Variants in BORCS5 observed in about 807,000 individuals in gnomAD.
The protein encoded by BORCS5 is BLOC-1-related complex subunit 5.
In BORCS5, 17 loss-of-function variants were observed where a neutral mutation model predicts 22.1. That is an observed-to-expected ratio of 0.77 (90% CI 0.53 to 1.15). The LOEUF (loss-of-function observed/expected upper bound fraction) is 1.15. Ranked by LOEUF, BORCS5 falls within the 50% of genes most tolerant of loss-of-function variation. BORCS5 has a pLI of 0.00. For synonymous variants in BORCS5, 117 were observed against 99.8 expected (o/e 1.17, Z -1.03); for missense variants, 247 against 253.2 (o/e 0.98, Z 0.17).
intron 3 of BORCS5, chr12:12,452,307 A>T: frequency 2.8e-6 from 2 of 715,192 alleles, no homozygotes; most frequent in Non-Finnish European, 4.9e-6. Flanking sequence ...CTCCAATACC[A>T]TTCCCCCATC....
At chr12:12,369,522 G>A (rs1251758878) in intron 2 of BORCS5, among the ~76,000 whole-genome samples, 2 of 151,550 alleles carry the variant, frequency 1.3e-5, no homozygotes, top group African/African-American at 4.9e-5. Context: ...TTTTTTTTTA[G>A]TATGTATTCC....
intron 2 of BORCS5, among the ~76,000 whole-genome samples, chr12:12,379,274 C>G (rs1863724949): frequency 1.3e-5 from 2 of 150,768 alleles, no homozygotes; most frequent in African/African-American, 4.9e-5. Flanking sequence ...GCACGTGCCA[C>G]CATGCTTGGC....
At chr12:12,414,719 G>A (rs1386838596) in intron 2 of BORCS5, among the ~76,000 whole-genome samples, 1 of 134,690 alleles carries the variant, frequency 7.4e-6, no homozygotes, top group Admixed American at 7.1e-5. Context: ...CGGATGGGGT[G>A]GCTGCCGGGC....
chr12:12,448,836 A>G (rs921007520), intron 3 of BORCS5, among the ~76,000 whole-genome samples: 2 of 152,128 alleles, frequency 1.3e-5, no homozygotes, highest in Non-Finnish European at 2.9e-5. Flanking sequence ...CGTGTCTTCA[A>G]TTCTTTAAGG....
rs754651636 is a variant in BORCS5, at chr12:12,398,609, A to G, written c.203-37019A>G. Among the ~76,000 whole-genome samples the G allele has an allele frequency of 5.3e-5, 8 of 152,282 alleles. No individual in the cohort carries two copies. In the South Asian group the frequency reaches 6.2e-4, roughly 12 times the overall value. On this transcript the variant is annotated intron_variant, in intron 2 of 3. Transcript: ENST00000314565. Reference sequence around the variant, plus strand: ...TGGCCCCTGTAGCTCTTTTGGCTCAATATAATGCTGCATCAAGGATGAGTG... The same window carrying G: ...TGGCCCCTGTAGCTCTTTTGGCTCAGTATAATGCTGCATCAAGGATGAGTG...
At position 12,362,502 on chromosome 12, in the gene BORCS5, G is replaced by A. The variant is rs140016153; in HGVS notation, c.202+1153G>A. 7.9e-3 allele frequency among the ~76,000 whole-genome samples: 1,196 copies of A among 152,130 alleles called. 3 individuals carry two copies. The highest frequency in any genetic ancestry group is 0.011 in the Non-Finnish European group (732 of 68,018). On this transcript the variant is annotated intron_variant, in intron 2 of 3. Transcript: ENST00000314565. ...ATATGTATACATATGCTATGTTGGT[G>A]TGCTGCACCCATTAACTCGTCATTC...
At position 12,464,201 on chromosome 12, in the gene BORCS5, GTT is replaced by G. The variant is rs35244701; in HGVS notation, c.361-1332_361-1331del. Among the ~76,000 whole-genome samples, 507 of 145,016 alleles carry G rather than the reference GTT, an allele frequency of 3.5e-3. 3 individuals are homozygous for G. Among genetic ancestry groups the G allele is most frequent in the African/African-American group, 1.0e-2 (393 of 39,392 alleles). On this transcript the variant is annotated intron_variant, in intron 3 of 3. Transcript: ENST00000314565. ...ATTATTTGGAGTTTCTCACTCCCAT[GTT>G]TTTTTTTTTTTTCTCTTCTCCTTCT...
At chr12:12,397,565 A>G (rs1941379099) in intron 2 of BORCS5, among the ~76,000 whole-genome samples, 1 of 152,244 alleles carries the variant, frequency 6.6e-6, no homozygotes, top group African/African-American at 2.4e-5. Context: ...GAGGAGTGGA[A>G]TGGAAAGAGT....
intron 3 of BORCS5, among the ~76,000 whole-genome samples, chr12:12,443,769 C>T (rs1436943312): frequency 6.6e-6 from 1 of 152,232 alleles, no homozygotes; most frequent in African/African-American, 2.4e-5. Context: ...CCCCATTTCC[C>T]CCCAGTTTGC....
At chr12:12,394,551 AATTT>A (rs1278906034) in intron 2 of BORCS5, among the ~76,000 whole-genome samples, 2 of 151,966 alleles carry the variant, frequency 1.3e-5, no homozygotes, top group African/African-American at 4.8e-5. Flanking sequence ...AAAAAAAAAA[AATTT>A]AAAGAGACAG....
intron 3 of BORCS5, among the ~76,000 whole-genome samples, chr12:12,446,739 G>A (rs1186453083): frequency 6.6e-6 from 1 of 152,124 alleles, no homozygotes; most frequent in Non-Finnish European, 1.5e-5. Flanking sequence ...ATCCTCCATA[G>A]TTTTCATTTA....
intron 2 of BORCS5, among the ~76,000 whole-genome samples, chr12:12,393,703 A>T (rs12823781): frequency 1 from 63,594 of 63,734 alleles, 31,727 homozygotes; most frequent in Middle Eastern, 1. Context: ...TATTTTTAGT[A>T]GAGGCGGGGT....
intron 2 of BORCS5, among the ~76,000 whole-genome samples, chr12:12,382,749 T>C (rs1863801933): frequency 6.6e-6 from 1 of 151,104 alleles, no homozygotes; most frequent in Non-Finnish European, 1.5e-5. Context: ...GCCGGGCTGG[T>C]TTCGAACTCC....
chr12:12,379,117 CTT>C (rs1036233741), intron 2 of BORCS5, among the ~76,000 whole-genome samples: 2 of 143,088 alleles, frequency 1.4e-5, no homozygotes, highest in African/African-American at 5.1e-5. Flanking sequence ...TTTCTTTTCT[CTT>C]TTTTTTTTTT....
At chr12:12,422,775 A>G (rs994814355) in intron 2 of BORCS5, among the ~76,000 whole-genome samples, 1 of 152,132 alleles carries the variant, frequency 6.6e-6, no homozygotes, top group East Asian at 1.9e-4. Flanking sequence ...AATATAAACT[A>G]ATACTTTTTT....
chr12:12,430,572 C>G (rs1177390828), intron 2 of BORCS5, among the ~76,000 whole-genome samples: 3 of 152,044 alleles, frequency 2.0e-5, no homozygotes, highest in African/African-American at 7.2e-5. Context: ...CCCTGAAGTT[C>G]TTACTCATAG....
intron 3 of BORCS5, among the ~76,000 whole-genome samples, chr12:12,449,940 C>T (rs1421132450): frequency 1.3e-5 from 2 of 152,172 alleles, no homozygotes; most frequent in African/African-American, 4.8e-5. Context: ...TCCTGATGGA[C>T]GTGGAGATGT....
chr12:12,445,579 C>A (rs1327594786), intron 3 of BORCS5, among the ~76,000 whole-genome samples: 1 of 108,488 alleles, frequency 9.2e-6, no homozygotes, highest in Non-Finnish European at 1.7e-5. Context: ...GCTCCATCTT[C>A]AGAGATTCTG....
At position 12,445,020 on chromosome 12, in the gene BORCS5, G is replaced by A. The variant is rs574260171; in HGVS notation, c.360+9235G>A. ...GCCACACTCAAAGCTGTCCTGGACT[G>A]CATGCAGCCCACGGCCGAACAATCT... On this transcript the variant is annotated intron_variant, in intron 3 of 3. Transcript: ENST00000314565. Among the ~76,000 whole-genome samples, 30 of 152,304 alleles carry A rather than the reference G, an allele frequency of 2.0e-4. 1 individual carries two copies. The highest frequency in any genetic ancestry group is 3.4e-3 in the Middle Eastern group (1 of 294).
Sources: allele counts gnomAD v4.1 joint callset (sites outside exome capture counted in the v4.1 genomes callset), GRCh38; gene constraint gnomAD v4.1.1; transcripts MANE v1.5; gene names NCBI Gene and HGNC (gene_info 2026-07-23, HGNC 2026-07-21).